The following KCNIP4 variants were observed in gnomAD, a reference collection of about 807,000 sequenced individuals.
KCNIP4 encodes potassium voltage-gated channel interacting protein 4.
In KCNIP4, 12 loss-of-function variants were observed where a neutral mutation model predicts 34.0. The observed-to-expected ratio is 0.35, with a 90% CI of 0.23 to 0.57. The LOEUF is 0.57. KCNIP4 is among the 20% of genes least tolerant of loss of function. The pLI, the probability that KCNIP4 is intolerant of heterozygous loss-of-function variation, is 0.83. For synonymous variants in KCNIP4, 124 were observed against 102.2 expected (o/e 1.21, Z -1.29); for missense variants, 238 against 311.7 (o/e 0.76, Z 1.78).
intron 1 of KCNIP4, among the ~76,000 whole-genome samples, chr4:21,302,991 T>C (rs954961593): frequency 5.9e-5 from 9 of 152,204 alleles, no homozygotes; most frequent in Admixed American, 3.3e-4. Context: ...CTGCCAACTT[T>C]AGAGAAACAA....
chr4:21,202,650 T>C (rs1166514207), intron 1 of KCNIP4, among the ~76,000 whole-genome samples: 1 of 152,212 alleles, frequency 6.6e-6, no homozygotes, highest in African/African-American at 2.4e-5. Flanking sequence ...CCCAGAGCAG[T>C]GACAGTCCAG....
intron 1 of KCNIP4, among the ~76,000 whole-genome samples, chr4:21,649,144 T>C (rs1378467703): frequency 6.6e-6 from 1 of 152,200 alleles, no homozygotes; most frequent in East Asian, 1.9e-4. Flanking sequence ...TTTGGATTGG[T>C]CATTAGGTAT....
intron 1 of KCNIP4, among the ~76,000 whole-genome samples, chr4:21,114,274 A>C (rs1749500845): frequency 6.6e-6 from 1 of 152,206 alleles, no homozygotes; most frequent in African/African-American, 2.4e-5. Context: ...ATAGCTCACC[A>C]GTGTTTTTTA....
intron 1 of KCNIP4, among the ~76,000 whole-genome samples, chr4:21,080,696 A>G (rs1471557690): frequency 1.3e-5 from 2 of 149,598 alleles, no homozygotes; most frequent in Non-Finnish European, 3.0e-5. Context: ...TGTAAAAATT[A>G]GTGATATGCA....
chr4:21,168,124 G>C (rs1753766549), intron 1 of KCNIP4, among the ~76,000 whole-genome samples: 1 of 152,138 alleles, frequency 6.6e-6, no homozygotes, highest in East Asian at 1.9e-4. Flanking sequence ...TTCATCAAAA[G>C]AGTATTATTT....
chr4:21,346,993 G>T (rs1717498858), intron 1 of KCNIP4, among the ~76,000 whole-genome samples: 1 of 151,938 alleles, frequency 6.6e-6, no homozygotes, highest in African/African-American at 2.4e-5. Flanking sequence ...TTAAATTCTG[G>T]AACACCAATA....
intron 1 of KCNIP4, among the ~76,000 whole-genome samples, chr4:21,052,964 T>G (rs2108951830): frequency 6.7e-6 from 1 of 149,656 alleles, no homozygotes; most frequent in African/African-American, 2.5e-5. Flanking sequence ...GGGAGAGAGA[T>G]GAGAGAGAGA....
At chr4:21,535,093 A>G (rs1281522508) in intron 1 of KCNIP4, among the ~76,000 whole-genome samples, 2 of 151,906 alleles carry the variant, frequency 1.3e-5, no homozygotes, top group Non-Finnish European at 2.9e-5. Context: ...TACTTACTAC[A>G]CTACTTAGTC....
At chr4:21,257,465 C>G (rs1302684486) in intron 1 of KCNIP4, among the ~76,000 whole-genome samples, 1 of 151,950 alleles carries the variant, frequency 6.6e-6, no homozygotes, top group African/African-American at 2.4e-5. Context: ...AAACTCTAGG[C>G]TGCGGGGCGT....
intron 1 of KCNIP4, among the ~76,000 whole-genome samples, chr4:21,252,912 C>T (rs753048241): frequency 5.3e-5 from 8 of 152,082 alleles, no homozygotes; most frequent in Non-Finnish European, 8.8e-5. Context: ...CTTAACCTCT[C>T]AGCATTTCAA....
chr4:21,533,984 A>C (rs1736941120), intron 1 of KCNIP4, among the ~76,000 whole-genome samples: 2 of 152,196 alleles, frequency 1.3e-5, no homozygotes, highest in Admixed American at 1.3e-4. Context: ...AGTAGGGTAG[A>C]GTAGTACTTA....
chr4:21,800,303 AAAT>A (rs1465821273), intron 1 of KCNIP4, among the ~76,000 whole-genome samples: 11 of 152,162 alleles, frequency 7.2e-5, no homozygotes, highest in African/African-American at 2.4e-4. Context: ...TTTTCAACTA[AAAT>A]AATAAGAGAC....
intron 1 of KCNIP4, among the ~76,000 whole-genome samples, chr4:20,936,871 T>C (rs7667943): frequency 0.024 from 3,711 of 152,222 alleles, 139 homozygotes; most frequent in African/African-American, 0.077. Flanking sequence ...AGAGTGCAGG[T>C]TGCAAAATGA....
chr4:21,486,569 T>C (rs1230686372), intron 1 of KCNIP4, among the ~76,000 whole-genome samples: 2 of 152,306 alleles, frequency 1.3e-5, no homozygotes, highest in South Asian at 2.1e-4. Flanking sequence ...CATAATTTAT[T>C]GACTGAAAGC....
chr4:21,830,441 G>A (rs561638141), intron 1 of KCNIP4, among the ~76,000 whole-genome samples: 27 of 152,110 alleles, frequency 1.8e-4, no homozygotes, highest in South Asian at 1.0e-3. Context: ...TTGGGAGGCC[G>A]AGGCGGGCTG....
intron 1 of KCNIP4, among the ~76,000 whole-genome samples, chr4:21,261,121 CAGAGGCTATTCTATTTCCAT>C (rs1761440821): frequency 6.6e-6 from 1 of 152,098 alleles, no homozygotes; most frequent in South Asian, 2.1e-4. Context: ...CTTATTTTTG[CAGAGGCTATTCTATTTCCAT>C]AGAAGGCTTG....
intron 1 of KCNIP4, among the ~76,000 whole-genome samples, chr4:21,374,179 G>T (rs1376038326): frequency 6.8e-6 from 1 of 147,088 alleles, no homozygotes; most frequent in East Asian, 2.0e-4. Context: ...AACCACAATA[G>T]GTGAGTGTAT....
At chr4:21,056,102 GC>G (rs1743373882) in intron 1 of KCNIP4, among the ~76,000 whole-genome samples, 2 of 152,138 alleles carry the variant, frequency 1.3e-5, no homozygotes, top group Non-Finnish European at 2.9e-5. Context: ...ATCTAAAACT[GC>G]CCTAAAAAAG....
chr4:21,820,324 T>TATATATAC (rs1286970944), intron 1 of KCNIP4, among the ~76,000 whole-genome samples: 4 of 136,680 alleles, frequency 2.9e-5, no homozygotes, highest in African/African-American at 8.4e-5. Flanking sequence ...TATATATATA[T>TATATATAC]ACATATATAC....
Sources: gnomAD v4.1 joint callset for allele counts (sites outside exome capture counted in the v4.1 genomes callset) on GRCh38, gnomAD v4.1.1 for gene constraint, MANE v1.5 for transcripts, NCBI Gene and HGNC (gene_info 2026-07-23, HGNC 2026-07-21) for gene names.